Variants in UGT1A6 observed in about 807,000 individuals in gnomAD.
The protein encoded by UGT1A6 is UDP-glucuronosyltransferase 1A6.
In UGT1A6, 32 loss-of-function variants were observed where a neutral mutation model predicts 44.4. That is an observed-to-expected ratio of 0.72 (90% CI 0.54 to 0.97). The LOEUF is 0.97. UGT1A6 is among the 50% of genes least tolerant of loss of function. The pLI is 0.00. For synonymous variants in UGT1A6, 238 were observed against 248.5 expected (o/e 0.96, Z 0.40); for missense variants, 685 against 661.9 (o/e 1.03, Z -0.38).
intron 1 of UGT1A6, among the ~76,000 whole-genome samples, chr2:233,710,022 G>A (rs190818817): frequency 8.5e-5 from 13 of 152,274 alleles, no homozygotes; most frequent in Admixed American, 1.3e-4. Context: ...AAACACACAG[G>A]TATACTGTTT....
chr2:233,744,646 T>C (rs28899468), intron 1 of UGT1A6, among the ~76,000 whole-genome samples: 5,545 of 151,990 alleles, frequency 0.036, 178 homozygotes, highest in African/African-American at 0.053. Context: ...TCAGCTTCTG[T>C]ATTCAATCTA....
chr2:233,746,436 G>A (rs1200457799), intron 1 of UGT1A6, among the ~76,000 whole-genome samples: 2 of 151,690 alleles, frequency 1.3e-5, no homozygotes, highest in African/African-American at 4.9e-5. Flanking sequence ...TATGTCTTCA[G>A]CTTAAAAAGA....
intron 1 of UGT1A6, chr2:233,755,267 T>C (rs1315366268): frequency 1.1e-5 from 8 of 759,504 alleles, no homozygotes; most frequent in East Asian, 5.3e-5. Flanking sequence ...AGTAGTCCAC[T>C]ATGCTGGACT....
At chr2:233,701,365 A>G (rs571373047) in intron 1 of UGT1A6, among the ~76,000 whole-genome samples, 5 of 152,274 alleles carry the variant, frequency 3.3e-5, no homozygotes, top group African/African-American at 1.2e-4. Context: ...AGATCTACAA[A>G]GAGACTTAGA....
Position 233,743,740 on chromosome 2 carries a change from G to C in UGT1A6, c.862-23294G>C, listed in dbSNP as rs370997418. The C allele has an allele frequency of 1.2e-4, 170 of 1,367,378 alleles. 1 individual carries two copies. The highest frequency in any genetic ancestry group is 2.3e-4 in the South Asian group (20 of 88,054). The allele number at this position is 1,367,378 out of a possible 1,614,324, so 84.7% of individuals were successfully genotyped here. ...AGCGGTCATAGATATCGCGTTTCTTGGCGTCCGACAACACCTCGTAGGCCT... is the reference window on the plus strand; with the variant it reads ...AGCGGTCATAGATATCGCGTTTCTTCGCGTCCGACAACACCTCGTAGGCCT... On this transcript the variant is annotated intron_variant, in intron 1 of 4. Coordinates refer to ENST00000305139, the MANE Select transcript of UGT1A6 (RefSeq NM_001072.4).
At chr2:233,725,400 G>T (rs1284897270) in intron 1 of UGT1A6, among the ~76,000 whole-genome samples, 3 of 151,354 alleles carry the variant, frequency 2.0e-5, no homozygotes, top group Non-Finnish European at 2.9e-5. Context: ...TACCTTGATG[G>T]TCTAATACAG....
intron 1 of UGT1A6, among the ~76,000 whole-genome samples, chr2:233,757,535 A>AATATATATACATATATATATAT (rs376887521): frequency 4.4e-4 from 39 of 88,152 alleles, no homozygotes; most frequent in African/African-American, 6.0e-4. Flanking sequence ...GCCTGTAAGG[A>AATATATATACATATATATATAT]ATATATATAT....
chr2:233,729,223 G>T, intron 1 of UGT1A6: 1 of 1,614,166 alleles, frequency 6.2e-7, no homozygotes, highest in Non-Finnish European at 8.5e-7. Context: ...AAAGGTGTTG[G>T]TGGTGCCCAT....
chr2:233,756,139 A>C lies in UGT1A6; in HGVS notation c.862-10895A>C, dbSNP rs548564023. ...CTTTGTAAAATTCTCCTGAAAAATT[A>C]CTGGGGATCCCTAGGATTTCCTGGC... On this transcript the variant is annotated intron_variant, in intron 1 of 4. Coordinates refer to ENST00000305139, the MANE Select transcript of UGT1A6 (RefSeq NM_001072.4). 16 of 152,358 alleles carry C rather than the reference A, an allele frequency of 1.1e-4. No individual in the cohort carries two copies. In the East Asian group the frequency reaches 1.4e-3, roughly 13 times the overall value. 9.4% of individuals were successfully genotyped at this position (152,358 alleles called of 1,614,324 possible). A position where few individuals can be genotyped will look rare whatever the true frequency, so the allele number is the denominator to read the frequency against.
chr2:233,703,725 A>AC (rs2125593677), intron 1 of UGT1A6, among the ~76,000 whole-genome samples: 1 of 152,128 alleles, frequency 6.6e-6, no homozygotes, highest in East Asian at 1.9e-4. Flanking sequence ...TTAAATATAA[A>AC]CTTTTTTTTG....
At position 233,769,464 on chromosome 2, in the gene UGT1A6, C is replaced by CGTGT; in HGVS notation, c.1301+1037_1301+1040dup. The CGTGT allele has an allele frequency of 2.0e-6, 3 of 1,503,202 alleles. No individual in the cohort carries two copies. The highest frequency in any genetic ancestry group is 2.4e-5 in the South Asian group (2 of 84,104). The allele number at this position is 1,503,202 out of a possible 1,614,324, so 93.1% of individuals were successfully genotyped here. On this transcript the variant is annotated intron_variant, in intron 4 of 4. Transcript: ENST00000305139. The surrounding 1 kb of genome is among the most constrained non-coding windows in gnomAD (Gnocchi z 4.4). ...GGGTGCACACGTGTGCATTCATATG[C>CGTGT]GTGTGTGTGTGTGTGCGTGTGTTTA...
At chr2:233,699,179 A>C (rs1050199722) in intron 1 of UGT1A6, among the ~76,000 whole-genome samples, 1 of 151,668 alleles carries the variant, frequency 6.6e-6, no homozygotes, top group Non-Finnish European at 1.5e-5. Context: ...TCTGATCCTC[A>C]CTTCTTCTTC....
chr2:233,752,600 T>A (rs1023436245), intron 1 of UGT1A6: 10 of 152,076 alleles, frequency 6.6e-5, no homozygotes, highest in Admixed American at 2.6e-4. Context: ...AGATTTTTTT[T>A]AAAAAAACAT....
At chr2:233,747,366 C>A in intron 1 of UGT1A6, 1 of 1,604,318 alleles carries the variant, frequency 6.2e-7, no homozygotes, top group Non-Finnish European at 8.5e-7. Context: ...GCGGGAGCTC[C>A]ATGCCAGAGG....
At chr2:233,738,082 A>T (rs1218405907) in intron 1 of UGT1A6, among the ~76,000 whole-genome samples, 1 of 152,110 alleles carries the variant, frequency 6.6e-6, no homozygotes, top group South Asian at 2.1e-4. Context: ...TCCTAATCTC[A>T]TCATAGTGAG....
At chr2:233,710,257 T>C (rs1404834948) in intron 1 of UGT1A6, among the ~76,000 whole-genome samples, 4 of 152,232 alleles carry the variant, frequency 2.6e-5, no homozygotes, top group Non-Finnish European at 5.9e-5. Context: ...TTTCTGAGAT[T>C]TCATTTTTCT....
chr2:233,767,214 T>A (rs1420134896), intron 2 of UGT1A6, 49 bp downstream of exon 2: 25 of 1,612,300 alleles, frequency 1.6e-5, no homozygotes, highest in Non-Finnish European at 2.1e-5. Flanking sequence ...ACAGGAGCGC[T>A]AATCCCAGAC....
At chr2:233,755,154 C>CT in intron 1 of UGT1A6, 2 of 1,296,006 alleles carry the variant, frequency 1.5e-6, no homozygotes, top group Non-Finnish European at 2.1e-6. Flanking sequence ...CGCTTCCTCC[C>CT]TGTCCTCGGG....
chr2:233,695,130 C>CTTTCTTTTTTTTT lies in UGT1A6; in HGVS notation c.861+1268_861+1269insCTTTTTTTTTTTT, dbSNP rs1364557158. ...GCCCATTAACCAACCCTTTTCTTTT[C>CTTTCTTTTTTTTT]TTTTTTTTTTTTTTGAGACAGAGTC... On this transcript the variant is annotated intron_variant, in intron 1 of 4. Coordinates refer to ENST00000305139, the MANE Select transcript of UGT1A6 (RefSeq NM_001072.4). Among the ~76,000 whole-genome samples the CTTTCTTTTTTTTT allele has an allele frequency of 2.6e-4, 36 of 138,832 alleles. 1 individual carries two copies. The highest frequency in any genetic ancestry group is 2.4e-4 in the African/African-American group (9 of 36,850). 91.1% of individuals were successfully genotyped at this position (138,832 alleles called of 152,430 possible).
Sources: gnomAD v4.1 joint callset for allele counts (sites outside exome capture counted in the v4.1 genomes callset) on GRCh38, gnomAD v4.1.1 for gene constraint, Gnocchi (gnomAD v3.1) non-coding constraint, MANE v1.5 for transcripts, NCBI Gene and HGNC (gene_info 2026-07-23, HGNC 2026-07-21) for gene names.